The following MMP10 variants were observed in gnomAD, a reference collection of about 807,000 sequenced individuals.
MMP10 encodes matrix metallopeptidase 10.
MMP10 carries 50 observed loss-of-function variants against 49.1 expected under a neutral mutation model. The observed-to-expected ratio is 1.02, with a 90% CI of 0.81 to 1.29. The LOEUF (loss-of-function observed/expected upper bound fraction) is 1.29, where lower values mean the gene tolerates loss of function less well. MMP10 is among the 50% of genes most tolerant of loss of function. MMP10 has a pLI of 0.00. For missense variants in MMP10, 613 were observed against 563.8 expected (o/e 1.09, Z -0.88); for synonymous variants, 229 against 201.6 (o/e 1.14, Z -1.15).
Position 102,775,260 on chromosome 11 carries a change from A to G in MMP10, c.994T>C (p.Trp332Arg). The change falls in exon 7 of 10, where the codon TGG becomes CGG. Residue 332 changes from tryptophan to arginine, a missense_variant. Trp to Arg is a moderately radical substitution (Grantham distance 101, BLOSUM62 -3). Transcript: ENST00000279441. ...EPEFHLISAF[W>R]PSLPSYLDAA... ...TCCAAATATGATGGAAGAGAGGGCC[A>G]AAATGCAGAAATCAAATGAAATTCA... 1 of 1,610,176 alleles carries G rather than the reference A, an allele frequency of 6.2e-7. No individual in the cohort carries two copies. The highest frequency in any genetic ancestry group is 2.2e-5 in the East Asian group (1 of 44,794).
At chr11:102,778,077 A>T (rs922542719) in intron 4 of MMP10, among the ~76,000 whole-genome samples, 1 of 152,232 alleles carries the variant, frequency 6.6e-6, no homozygotes, top group African/African-American at 2.4e-5. Flanking sequence ...TTTAGTCATT[A>T]TGTTTAGATG....
rs1861987301 is a variant in MMP10 at position 102,772,780 on chromosome 11, A to G, written c.1226+67T>C. On this transcript the variant is annotated intron_variant, in intron 8 of 9. Transcript: ENST00000279441. The surrounding 1 kb of genome is among the most constrained non-coding windows in gnomAD (Gnocchi z 4.4). ...GAGGGTGGGTGTAGGGTAGGGAAAT[A>G]TCCTTAAAGAAAGAAAATAATTTTC... The G allele has an allele frequency of 6.6e-7, 1 of 1,523,114 alleles. No homozygotes were observed. Among genetic ancestry groups the G allele is most frequent in the Non-Finnish European group, 8.9e-7 (1 of 1,125,678 alleles). The allele number at this position is 1,523,114 out of a possible 1,614,324, so 94.3% of individuals were successfully genotyped here.
At chr11:102,771,536 A>G (rs17861002) in intron 9 of MMP10, among the ~76,000 whole-genome samples, 124 of 152,300 alleles carry the variant, frequency 8.1e-4, no homozygotes, top group Non-Finnish European at 1.4e-3. Flanking sequence ...TATTTTGAGC[A>G]TATGGGAGGA....
At chr11:102,774,266 A>G (rs1241863836) in intron 7 of MMP10, among the ~76,000 whole-genome samples, 1 of 152,200 alleles carries the variant, frequency 6.6e-6, no homozygotes, top group East Asian at 1.9e-4. Flanking sequence ...AAAAGTTACA[A>G]GTTAATAAGG....
chr11:102,776,856 C>T (rs985021509), intron 4 of MMP10, 80 bp from the exon 5 acceptor site: 75 of 1,524,136 alleles, frequency 4.9e-5, no homozygotes, highest in Non-Finnish European at 5.0e-5. Flanking sequence ...GCCAGCTGTA[C>T]AGGCCATCCT....
In MMP10 at chr11:102,770,742, T is replaced by A; in HGVS notation, c.*51A>T. 8.2e-7 allele frequency: 1 copy of A among 1,221,920 alleles called. No homozygotes were observed. The highest frequency in any genetic ancestry group is 1.2e-6 in the Non-Finnish European group (1 of 854,246). 75.7% of individuals were successfully genotyped at this position (1,221,920 alleles called of 1,614,324 possible). A position where few individuals can be genotyped will look rare whatever the true frequency, so the allele number is the denominator to read the frequency against. Reference sequence around the variant, plus strand: ...TTTGGCTCATAATACATTAGATGAATAATTATTAGATTTATTAAAAACACC... The same window carrying A: ...TTTGGCTCATAATACATTAGATGAAAAATTATTAGATTTATTAAAAACACC... On this transcript the variant is annotated 3_prime_UTR_variant, in exon 10 of 10. Transcript: ENST00000279441.
At chr11:102,780,285 G>A (rs943992008) in intron 1 of MMP10, among the ~76,000 whole-genome samples, 2 of 152,114 alleles carry the variant, frequency 1.3e-5, no homozygotes, top group Non-Finnish European at 2.9e-5. Context: ...GTAACCTTGA[G>A]CAGTTATATT....
chr11:102,771,267 C>T (rs1269670567), intron 9 of MMP10, among the ~76,000 whole-genome samples: 1 of 152,088 alleles, frequency 6.6e-6, no homozygotes, highest in Admixed American at 6.5e-5. Flanking sequence ...ACTTTCTTTC[C>T]AACCTCCCCT....
At chr11:102,775,695 A>AT (rs1242229736) in intron 6 of MMP10, among the ~76,000 whole-genome samples, 6 of 152,112 alleles carry the variant, frequency 3.9e-5, no homozygotes, top group African/African-American at 1.4e-4. Context: ...CTGGAGAGAG[A>AT]TTTTTTAACT....
Position 102,779,268 on chromosome 11 carries a change from T to A in MMP10, c.441A>T (p.Thr147=), listed in dbSNP as rs138841233. ...CCTCTCCTTCATACAGCCTGGAGAA[T>A]GTGAGTGGAGTCACCTCTTCCCAGA... ...LKVWEEVTPL[T]FSRLYEGEAD... is the part of the protein sequence containing the mutation. Residue 147 remains threonine, a synonymous_variant, in exon 3 of 10, where the codon ACA becomes ACT. Transcript: ENST00000279441. 1.3e-4 allele frequency: 210 copies of A among 1,614,106 alleles called. 2 individuals are homozygous for A. The African/African-American group carries it at 2.7e-3, about 21-fold the overall frequency.
intron 4 of MMP10, among the ~76,000 whole-genome samples, chr11:102,777,023 A>C (rs893163132): frequency 2.0e-5 from 3 of 152,192 alleles, no homozygotes; most frequent in Non-Finnish European, 1.5e-5. Flanking sequence ...TTGGTCAGGA[A>C]AACTAAGACA....
At chr11:102,774,404 A>G (rs1862002427) in intron 7 of MMP10, among the ~76,000 whole-genome samples, 1 of 152,104 alleles carries the variant, frequency 6.6e-6, no homozygotes, top group African/African-American at 2.4e-5. Flanking sequence ...TAGAGAGTAA[A>G]TAAAGCCAAA....
rs372399577 is a variant in MMP10 at position 102,773,975 on chromosome 11, C to G, written c.1067-969G>C. ...AAATGTGAGATACATTACTTGATAA[C>G]AATACGTTAGAGTTATGTAATCCTT... On this transcript the variant is annotated intron_variant, in intron 7 of 9. Coordinates refer to ENST00000279441, the MANE Select transcript of MMP10 (RefSeq NM_002425.3). Among the ~76,000 whole-genome samples the G allele has an allele frequency of 1.1e-4, 16 of 152,216 alleles. No homozygotes were observed. The East Asian group carries it at 2.3e-3, about 22-fold the overall frequency.
chr11:102,771,035 T>C, intron 9 of MMP10, 142 bp from the exon 10 acceptor site: 2 of 552,508 alleles, frequency 3.6e-6, no homozygotes. Context: ...CTAAGTGCTT[T>C]ACATGCTTTA....
intron 7 of MMP10, among the ~76,000 whole-genome samples, chr11:102,773,981 G>A (rs992585970): frequency 2.6e-5 from 4 of 152,174 alleles, no homozygotes; most frequent in Non-Finnish European, 5.9e-5. Context: ...ATAACAATAC[G>A]TTAGAGTTAT....
chr11:102,771,933 T>C, intron 9 of MMP10, 79 bp downstream of exon 9: 1 of 909,750 alleles, frequency 1.1e-6, no homozygotes, highest in Non-Finnish European at 1.8e-6. Context: ...TTAAAAACTG[T>C]TTTGATTCTG....
rs1861982242 is a variant in MMP10 at position 102,772,140 on chromosome 11, T to C, written c.1227-25A>G. The C allele has an allele frequency of 1.4e-6, 2 of 1,412,698 alleles. No individual in the cohort carries two copies. The highest frequency in any genetic ancestry group is 2.0e-6 in the Non-Finnish European group (2 of 998,218). The allele number at this position is 1,412,698 out of a possible 1,614,324, so 87.5% of individuals were successfully genotyped here. On this transcript the variant is annotated intron_variant, in intron 8 of 9. Transcript: ENST00000279441. The surrounding 1 kb of genome is among the most constrained non-coding windows in gnomAD (Gnocchi z 4.4). ...TCTAAACCAAATGAAAGAAATACAG[T>C]TCAATGATGTGCAGTAGTCCCATTA... is the stretch of plus-strand genomic sequence containing the variant.
chr11:102,778,545 C>G, intron 4 of MMP10, 79 bp downstream of exon 4: 3 of 1,541,694 alleles, frequency 1.9e-6, no homozygotes, highest in Non-Finnish European at 2.6e-6. Flanking sequence ...CGATTTATTG[C>G]TCGTTCTAGA....
intron 4 of MMP10, 48 bp downstream of exon 4, chr11:102,778,576 A>G (rs371239705): frequency 1.8e-4 from 287 of 1,591,784 alleles, no homozygotes; most frequent in Non-Finnish European, 2.2e-4. Context: ...ATTTTTGGGT[A>G]GGATTGGACA....
Sources: allele counts gnomAD v4.1 joint callset (sites outside exome capture counted in the v4.1 genomes callset), GRCh38; gene constraint gnomAD v4.1.1; non-coding constraint Gnocchi (gnomAD v3.1); transcripts MANE v1.5; gene names NCBI Gene and HGNC (gene_info 2026-07-23, HGNC 2026-07-21).